Variants in NUF2 observed in about 807,000 individuals in gnomAD.
NUF2 encodes the protein NUF2 component of NDC80 kinetochore complex.
A neutral mutation model predicts 61.8 loss-of-function variants in NUF2; 34 were observed. The ratio of observed to expected loss-of-function variants is 0.55; its 90% confidence interval spans 0.42 to 0.73. The LOEUF (loss-of-function observed/expected upper bound fraction) is 0.73, where lower values mean the gene tolerates loss of function less well. Ranked by LOEUF, NUF2 falls within the 30% of genes least tolerant of loss-of-function variation. NUF2 has a pLI of 0.00. For synonymous variants in NUF2, 172 were observed against 181.6 expected, an observed-to-expected ratio of 0.95 and a Z score of 0.42; for missense variants, 445 against 539.1, an observed-to-expected ratio of 0.83 and a Z score of 1.73.
intron 1 of NUF2, among the ~76,000 whole-genome samples, chr1:163,324,439 G>A (rs920905318): frequency 6.6e-6 from 1 of 152,162 alleles, no homozygotes; most frequent in East Asian, 1.9e-4. Flanking sequence ...ATTTGTTAGT[G>A]GTTGTTTAGA....
At position 163,351,904 on chromosome 1, in the gene NUF2, C is replaced by G. The variant is rs58707249; in HGVS notation, c.1260+2824C>G. 3.6e-3 allele frequency among the ~76,000 whole-genome samples: 551 copies of G among 152,134 alleles called. 9 individuals carry two copies. The highest frequency in any genetic ancestry group is 0.026 in the Admixed American group (398 of 15,274). On this transcript the variant is annotated intron_variant, in intron 13 of 13. Coordinates refer to ENST00000271452, the MANE Select transcript of NUF2 (RefSeq NM_145697.3). ...ATGTTCTTTCCCATAGATAATTTAT[C>G]TCTTCTAGTTTCAATTATTATCTTC...
At chr1:163,341,174 CA>C (rs1399736712) in intron 9 of NUF2, among the ~76,000 whole-genome samples, 2 of 151,614 alleles carry the variant, frequency 1.3e-5, no homozygotes, top group Non-Finnish European at 2.9e-5. Flanking sequence ...GTTACTGTTA[CA>C]TTGAAAAAAA....
intron 11 of NUF2, 37 bp downstream of exon 11, chr1:163,345,855 T>C: frequency 7.0e-7 from 1 of 1,434,194 alleles, no homozygotes; most frequent in Non-Finnish European, 9.6e-7. Flanking sequence ...CTTTATTATA[T>C]AACAGCTTAC....
chr1:163,333,522 A>G (rs1178240222), intron 5 of NUF2, among the ~76,000 whole-genome samples: 1 of 151,756 alleles, frequency 6.6e-6, no homozygotes, highest in Non-Finnish European at 1.5e-5. Flanking sequence ...ATTAAAATAA[A>G]TTTTATTTTA....
intron 4 of NUF2, 94 bp downstream of exon 4, chr1:163,328,398 C>A: frequency 1.4e-6 from 1 of 729,052 alleles, no homozygotes; most frequent in Non-Finnish European, 2.3e-6. Context: ...GTAAGGAATA[C>A]CTACTATGTT....
At chr1:163,349,325 A>G (rs77264711) in intron 13 of NUF2, among the ~76,000 whole-genome samples, 6,073 of 152,218 alleles carry the variant, frequency 0.04, 149 homozygotes, top group South Asian at 0.086. Context: ...ACAGTGCTAA[A>G]CATAAAATGT....
intron 4 of NUF2, 72 bp downstream of exon 4, chr1:163,328,376 TG>T: frequency 2.2e-6 from 2 of 914,026 alleles, no homozygotes; most frequent in Non-Finnish European, 3.4e-6. Context: ...CTTAATGACA[TG>T]GTTTTCTTTG....
rs1571406468 is a variant in NUF2, at chr1:163,355,643, A to G, written c.*174A>G. Reference sequence around the variant, plus strand: ...ATGAATTTAATGTAGGCTTTTATTAATTTATAATTAAAATAACTTGTGCAG... The same window carrying G: ...ATGAATTTAATGTAGGCTTTTATTAGTTTATAATTAAAATAACTTGTGCAG... On this transcript the variant is annotated 3_prime_UTR_variant, in exon 14 of 14. Coordinates refer to ENST00000271452, the MANE Select transcript of NUF2 (RefSeq NM_145697.3). 5 of 403,410 alleles carry G rather than the reference A, an allele frequency of 1.2e-5. No homozygotes were observed. The South Asian group carries it at 3.2e-4, about 26-fold the overall frequency. 25.0% of individuals were successfully genotyped at this position (403,410 alleles called of 1,614,324 possible).
At chr1:163,329,398 C>T (rs754568413) in intron 5 of NUF2, among the ~76,000 whole-genome samples, 5 of 152,104 alleles carry the variant, frequency 3.3e-5, no homozygotes, top group African/African-American at 4.8e-5. Flanking sequence ...GTGTATTAGG[C>T]TATTCTTGTA....
chr1:163,339,468 T>C lies in NUF2; in HGVS notation c.597T>C (p.His199=). Residue 199 remains histidine (H), a synonymous_variant, in exon 8 of 14, where the codon CAT becomes CAC. Coordinates refer to ENST00000271452, the MANE Select transcript of NUF2 (RefSeq NM_145697.3). The part of the protein sequence containing the change: ...ELQQSLNQDF[H]QKTIVLQEGN... The stretch of plus-strand genomic sequence containing the variant: ...AACAATCACTAAATCAGGATTTTCA[T>C]CAAAAAACGGTATCTGTTGTGAGGC... 6.2e-7 allele frequency: 1 copy of C among 1,605,792 alleles called. No individual in the cohort carries two copies. The highest frequency in any genetic ancestry group is 2.2e-5 in the East Asian group (1 of 44,794).
intron 9 of NUF2, among the ~76,000 whole-genome samples, chr1:163,340,931 CAT>C (rs1157032689): frequency 6.6e-6 from 1 of 152,126 alleles, no homozygotes; most frequent in African/African-American, 2.4e-5. Context: ...ATGTGTGTAT[CAT>C]ATGCATACAT....
intron 13 of NUF2, among the ~76,000 whole-genome samples, chr1:163,352,852 C>T (rs1286642976): frequency 1.3e-5 from 2 of 151,172 alleles, no homozygotes; most frequent in Non-Finnish European, 2.9e-5. Context: ...GGCGACAGAG[C>T]GAGACTCCGT....
At chr1:163,339,981 GAA>G (rs1171156220) in intron 8 of NUF2, among the ~76,000 whole-genome samples, 1 of 152,158 alleles carries the variant, frequency 6.6e-6, no homozygotes, top group African/African-American at 2.4e-5. Flanking sequence ...CAGGAAATGA[GAA>G]TGTCTATATC....
intron 13 of NUF2, among the ~76,000 whole-genome samples, chr1:163,352,678 AAC>A (rs1321760563): frequency 5.9e-5 from 9 of 152,192 alleles, no homozygotes; most frequent in African/African-American, 1.9e-4. Flanking sequence ...CGTCCTGGCT[AAC>A]ACAGTGAAAC....
intron 9 of NUF2, among the ~76,000 whole-genome samples, chr1:163,343,358 T>G (rs1651010907): frequency 6.6e-6 from 1 of 152,144 alleles, no homozygotes; most frequent in African/African-American, 2.4e-5. Context: ...CAGTACAAAT[T>G]TAGCAGGCAG....
At chr1:163,326,538 A>C (rs1333572615) in intron 2 of NUF2, among the ~76,000 whole-genome samples, 1 of 152,156 alleles carries the variant, frequency 6.6e-6, no homozygotes, top group South Asian at 2.1e-4. Context: ...CAACCACAAA[A>C]AATGCTTAGA....
chr1:163,344,189 G>C (rs979854433), intron 10 of NUF2, among the ~76,000 whole-genome samples: 1 of 152,042 alleles, frequency 6.6e-6, no homozygotes, highest in Non-Finnish European at 1.5e-5. Context: ...ACAAACAATT[G>C]TAATTATAAA....
At chr1:163,336,362 C>T (rs983532085) in intron 5 of NUF2, among the ~76,000 whole-genome samples, 1 of 152,146 alleles carries the variant, frequency 6.6e-6, no homozygotes, top group Non-Finnish European at 1.5e-5. Context: ...GGAGTACAGC[C>T]TGTAAACTCT....
chr1:163,343,006 A>T (rs769139248), intron 9 of NUF2, among the ~76,000 whole-genome samples: 7 of 152,212 alleles, frequency 4.6e-5, no homozygotes, highest in Non-Finnish European at 8.8e-5. Flanking sequence ...CAAATATCTG[A>T]GAAGAAAATT....
Sources: gnomAD v4.1 joint callset for allele counts (sites outside exome capture counted in the v4.1 genomes callset) on GRCh38, gnomAD v4.1.1 for gene constraint, MANE v1.5 for transcripts, NCBI Gene and HGNC (gene_info 2026-07-23, HGNC 2026-07-21) for gene names.